The following WHRN variants were observed in gnomAD, a reference collection of about 807,000 sequenced individuals.
The protein encoded by WHRN is CASK-interacting protein CIP98.
WHRN carries 41 observed loss-of-function variants against 68.3 expected under a neutral mutation model. The ratio of observed to expected loss-of-function variants is 0.60; its 90% confidence interval spans 0.47 to 0.78. WHRN has a LOEUF of 0.78. Ranked by LOEUF, WHRN falls within the 30% of genes least tolerant of loss-of-function variation. The pLI is 0.00. For missense variants in WHRN, 1,243 were observed against 1,244.7 expected (o/e 1.00, Z 0.02); for synonymous variants, 560 against 561.3 (o/e 1.00, Z 0.03).
chr9:114,471,793 C>A (rs1278196402), intron 2 of WHRN, among the ~76,000 whole-genome samples: 1 of 152,204 alleles, frequency 6.6e-6, no homozygotes. Context: ...GGGATGTCTG[C>A]TAGGGGATTC....
chr9:114,437,044 C>T (rs952581372), intron 3 of WHRN, among the ~76,000 whole-genome samples: 7 of 152,062 alleles, frequency 4.6e-5, no homozygotes, highest in Admixed American at 1.3e-4. Context: ...CTAAATCCTC[C>T]GTAATTACAC....
intron 1 of WHRN, among the ~76,000 whole-genome samples, chr9:114,498,265 C>T (rs943176353): frequency 1.3e-5 from 2 of 152,264 alleles, no homozygotes; most frequent in Admixed American, 1.3e-4. Context: ...CATAAAAAGA[C>T]ATACAGAAAT....
intron 8 of WHRN, 92 bp from the exon 9 acceptor site, chr9:114,406,984 T>A: frequency 6.9e-7 from 1 of 1,453,314 alleles, no homozygotes; most frequent in Non-Finnish European, 9.4e-7. Context: ...CAGGCCCAGC[T>A]GGAATTCTGT....
chr9:114,504,156 CCA>C (rs766257826), intron 1 of WHRN, 26 bp downstream of exon 1: 2 of 1,613,968 alleles, frequency 1.2e-6, no homozygotes, highest in South Asian at 2.2e-5. Context: ...ATACTCTGCC[CCA>C]GACTCTCTCC....
At chr9:114,457,801 A>G (rs770025850) in intron 3 of WHRN, among the ~76,000 whole-genome samples, 3 of 151,932 alleles carry the variant, frequency 2.0e-5, no homozygotes, top group Non-Finnish European at 2.9e-5. Context: ...CAGTAATCCC[A>G]GCTACTCGGG....
chr9:114,437,524 T>C (rs1041365417), intron 3 of WHRN, among the ~76,000 whole-genome samples: 24 of 152,332 alleles, frequency 1.6e-4, no homozygotes, highest in Admixed American at 1.5e-3. Context: ...ACCCTGAATC[T>C]GATTGTATTT....
At chr9:114,418,515 G>C (rs1835993765) in intron 7 of WHRN, among the ~76,000 whole-genome samples, 1 of 152,202 alleles carries the variant, frequency 6.6e-6, no homozygotes, top group Non-Finnish European at 1.5e-5. Context: ...ATAATCAGGG[G>C]GACCCTGTTA....
chr9:114,411,565 G>A (rs1243954613), intron 7 of WHRN, among the ~76,000 whole-genome samples: 2 of 152,222 alleles, frequency 1.3e-5, no homozygotes, highest in Non-Finnish European at 2.9e-5. Context: ...ATTCAGCTGT[G>A]CAGGAAGCTC....
chr9:114,468,428 G>C (rs895275419), intron 2 of WHRN, among the ~76,000 whole-genome samples: 8 of 152,118 alleles, frequency 5.3e-5, no homozygotes, highest in Non-Finnish European at 1.0e-4. Context: ...GACCCTATCT[G>C]GGACCACTGC....
chr9:114,402,626 A>AG lies in WHRN; in HGVS notation c.*127dup, dbSNP rs1261598815. 4 of 1,167,968 alleles carry AG rather than the reference A, an allele frequency of 3.4e-6. No homozygotes were observed. The highest frequency in any genetic ancestry group is 5.1e-6 in the Non-Finnish European group (4 of 789,328). 72.4% of individuals were successfully genotyped at this position (1,167,968 alleles called of 1,614,324 possible). ...GTTCTGGTCCAGTGGGCTGGGATGG[A>AG]GGGGGGATGTCTTCCTGCCACCCTG... On this transcript the variant is annotated 3_prime_UTR_variant, in exon 12 of 12. Transcript: ENST00000362057.
intron 3 of WHRN, among the ~76,000 whole-genome samples, chr9:114,460,846 C>T (rs752983757): frequency 1.3e-5 from 2 of 152,228 alleles, no homozygotes; most frequent in East Asian, 1.9e-4. Context: ...ACAAATAAAA[C>T]CTTTTCTTGG....
chr9:114,426,175 G>C, intron 4 of WHRN, 36 bp downstream of exon 4: 1 of 1,611,272 alleles, frequency 6.2e-7, no homozygotes, highest in Non-Finnish European at 8.5e-7. Context: ...AAATGGCCCT[G>C]GGGTCTGGAG....
rs1836383206 is a variant in WHRN at position 114,422,502 on chromosome 9, G to T, written c.1626+812C>A. Reference sequence around the variant, plus strand: ...GGGGGCAGAACCATATCTTGAGATGGCCAGATGCTTTGCTGGGGGGCTGGT... The same window carrying T: ...GGGGGCAGAACCATATCTTGAGATGTCCAGATGCTTTGCTGGGGGGCTGGT... On this transcript the variant is annotated intron_variant, in intron 7 of 11. Coordinates refer to ENST00000362057, the MANE Select transcript of WHRN (RefSeq NM_015404.4). 2.6e-5 allele frequency among the ~76,000 whole-genome samples: 4 copies of T among 152,152 alleles called. No individual in the cohort carries two copies. In the South Asian group the frequency reaches 8.3e-4, roughly 32 times the overall value.
chr9:114,431,744 G>A (rs1303988215), intron 3 of WHRN, among the ~76,000 whole-genome samples: 2 of 152,176 alleles, frequency 1.3e-5, no homozygotes, highest in East Asian at 1.9e-4. Flanking sequence ...AGAGTTAGAC[G>A]GCACAGGAAA....
chr9:114,407,535 C>T (rs1835124662), intron 8 of WHRN, among the ~76,000 whole-genome samples: 1 of 152,196 alleles, frequency 6.6e-6, no homozygotes, highest in South Asian at 2.1e-4. Flanking sequence ...AGGTCAACAC[C>T]GGACACCTGC....
At chr9:114,477,259 C>T (rs1841728138) in intron 2 of WHRN, among the ~76,000 whole-genome samples, 1 of 152,178 alleles carries the variant, frequency 6.6e-6, no homozygotes, top group Admixed American at 6.5e-5. Flanking sequence ...AAAGAGTTTC[C>T]AGAGGCATGG....
intron 7 of WHRN, among the ~76,000 whole-genome samples, chr9:114,419,385 G>A (rs1384600417): frequency 6.6e-6 from 1 of 152,222 alleles, no homozygotes; most frequent in Non-Finnish European, 1.5e-5. Context: ...CCAAATTATG[G>A]GCTAGGGTCT....
At chr9:114,478,213 T>C (rs1841809653) in intron 2 of WHRN, 2 of 627,266 alleles carry the variant, frequency 3.2e-6, no homozygotes, top group East Asian at 5.5e-5. Flanking sequence ...GCTTGAACCC[T>C]GGAGGCAGAG....
intron 2 of WHRN, 151 bp downstream of exon 2, chr9:114,478,402 A>T (rs756369337): frequency 1.0e-4 from 88 of 858,480 alleles, no homozygotes; most frequent in Non-Finnish European, 1.6e-4. Context: ...AAAGCAAAGA[A>T]AAAACACCAC....
Sources: gnomAD v4.1 joint callset for allele counts (sites outside exome capture counted in the v4.1 genomes callset) on GRCh38, gnomAD v4.1.1 for gene constraint, MANE v1.5 for transcripts, NCBI Gene and HGNC (gene_info 2026-07-23, HGNC 2026-07-21) for gene names.